The following MAGI3 variants were observed in gnomAD, a reference collection of about 807,000 sequenced individuals.
MAGI3 encodes membrane-associated guanylate kinase, WW and PDZ domain-containing protein 3.
MAGI3 carries 43 observed loss-of-function variants against 121.8 expected under a neutral mutation model. The observed-to-expected ratio is 0.35, with a 90% confidence interval of 0.28 to 0.46. The LOEUF (loss-of-function observed/expected upper bound fraction) is 0.46. MAGI3 is among the 20% of genes least tolerant of loss of function. The pLI, the probability that MAGI3 is intolerant of heterozygous loss-of-function variation, is 1.00. For missense variants in MAGI3, 1,547 were observed against 1,797.3 expected, an observed-to-expected ratio of 0.86 and a Z score of 2.52; for synonymous variants, 553 against 639.3, an observed-to-expected ratio of 0.86 and a Z score of 2.04.
intron 20 of MAGI3, chr1:113,682,621 G>A: frequency 1.0e-6 from 1 of 982,420 alleles, no homozygotes; most frequent in Non-Finnish European, 1.2e-6. Flanking sequence ...TACTAATAGA[G>A]AATTTACAGA....
chr1:113,538,392 A>C (rs961058121), intron 1 of MAGI3, among the ~76,000 whole-genome samples: 2 of 152,258 alleles, frequency 1.3e-5, no homozygotes, highest in African/African-American at 4.8e-5. Context: ...TCCTGTCAAA[A>C]GGATGAAGCA....
intron 1 of MAGI3, among the ~76,000 whole-genome samples, chr1:113,513,799 G>T (rs1488831672): frequency 6.6e-6 from 1 of 152,138 alleles, no homozygotes; most frequent in Non-Finnish European, 1.5e-5. Context: ...AAACTAAAGA[G>T]CTTCTGCACA....
chr1:113,468,636 G>A (rs140259485), intron 1 of MAGI3, among the ~76,000 whole-genome samples: 16 of 152,118 alleles, frequency 1.1e-4, no homozygotes, highest in African/African-American at 3.6e-4. Context: ...TGCCGTAAGT[G>A]TAAAACACAT....
chr1:113,559,527 A>G (rs1177351955), intron 2 of MAGI3, among the ~76,000 whole-genome samples: 1 of 152,056 alleles, frequency 6.6e-6, no homozygotes, highest in Non-Finnish European at 1.5e-5. Flanking sequence ...CCCTAAATAT[A>G]TATGCTCCCG....
chr1:113,449,906 A>T, intron 1 of MAGI3: 1 of 1,522,044 alleles, frequency 6.6e-7, no homozygotes, highest in Non-Finnish European at 9.0e-7. Context: ...AGGTGGATGC[A>T]GCAATGTGTG....
At chr1:113,668,647 A>G (rs933913193) in intron 16 of MAGI3, among the ~76,000 whole-genome samples, 7 of 145,740 alleles carry the variant, frequency 4.8e-5, no homozygotes, top group African/African-American at 1.5e-4. Flanking sequence ...CAGTGGCGCA[A>G]TCTCGGCTCA....
chr1:113,617,265 C>T (rs1165435483), intron 7 of MAGI3, among the ~76,000 whole-genome samples: 1 of 152,154 alleles, frequency 6.6e-6, no homozygotes, highest in Non-Finnish European at 1.5e-5. Context: ...AATTTTAATA[C>T]AGAAAATGTG....
At chr1:113,476,027 A>C (rs1272282254) in intron 1 of MAGI3, among the ~76,000 whole-genome samples, 1 of 152,154 alleles carries the variant, frequency 6.6e-6, no homozygotes, top group Non-Finnish European at 1.5e-5. Flanking sequence ...AGGTGTTTGT[A>C]GTATTCTCTG....
Position 113,684,208 on chromosome 1 carries a change from T to A in MAGI3, c.*194T>A, listed in dbSNP as rs1648409790. 1 of 524,960 alleles carries A rather than the reference T, an allele frequency of 1.9e-6. No individual in the cohort carries two copies. Among genetic ancestry groups the A allele is most frequent in the Admixed American group, 4.0e-5 (1 of 24,710 alleles). 32.5% of individuals were successfully genotyped at this position (524,960 alleles called of 1,614,324 possible). A position where few individuals can be genotyped will look rare whatever the true frequency, so the allele number is the denominator to read the frequency against. Reference sequence around the variant, plus strand: ...CAACTGTCCCCCTGGCCGGCTGCCCTCCCTCGCTCTCAGGAAGGAGCTGCA... The same window carrying A: ...CAACTGTCCCCCTGGCCGGCTGCCCACCCTCGCTCTCAGGAAGGAGCTGCA... On this transcript the variant is annotated 3_prime_UTR_variant, in exon 21 of 21. Transcript: ENST00000307546.
chr1:113,549,354 A>G lies in MAGI3; in HGVS notation c.317-161A>G, dbSNP rs189178851. Among the ~76,000 whole-genome samples, 377 of 152,304 alleles carry G rather than the reference A, an allele frequency of 2.5e-3. 4 individuals are homozygous for G. The highest frequency in any genetic ancestry group is 5.8e-4 in the East Asian group (3 of 5,196). Reference sequence around the variant, plus strand: ...ACATATTTTAATTATAGTACCTATAAATAATTTGGTGTTCTTTTCTTTTTA... The same window carrying G: ...ACATATTTTAATTATAGTACCTATAGATAATTTGGTGTTCTTTTCTTTTTA... On this transcript the variant is annotated intron_variant, in intron 1 of 20. Coordinates refer to ENST00000307546, the MANE Select transcript of MAGI3 (RefSeq NM_001142782.2).
intron 2 of MAGI3, among the ~76,000 whole-genome samples, chr1:113,557,662 G>T (rs1229034857): frequency 6.6e-6 from 1 of 152,158 alleles, no homozygotes; most frequent in Non-Finnish European, 1.5e-5. Flanking sequence ...GCCTTGGAGA[G>T]CCCAGACCAA....
intron 6 of MAGI3, among the ~76,000 whole-genome samples, chr1:113,596,159 A>G (rs1648998601): frequency 1.3e-5 from 2 of 152,182 alleles, no homozygotes. Context: ...GACTTATTTT[A>G]GAGCTACAGT....
intron 1 of MAGI3, among the ~76,000 whole-genome samples, chr1:113,510,081 C>A (rs1483032654): frequency 6.6e-6 from 1 of 152,140 alleles, no homozygotes; most frequent in Non-Finnish European, 1.5e-5. Context: ...AAAAATAATT[C>A]TTAAAGATTG....
chr1:113,647,918 A>T (rs1259647209), intron 12 of MAGI3, among the ~76,000 whole-genome samples: 2 of 112,702 alleles, frequency 1.8e-5, no homozygotes, highest in African/African-American at 7.8e-5. Flanking sequence ...TGAACTGATG[A>T]CTCTTTTTTT....
chr1:113,555,606 T>A (rs962760492), intron 2 of MAGI3, among the ~76,000 whole-genome samples: 3 of 152,164 alleles, frequency 2.0e-5, no homozygotes, highest in African/African-American at 7.2e-5. Context: ...GGATTTAGAC[T>A]TAAATCATAT....
chr1:113,540,692 C>T (rs1464798379), intron 1 of MAGI3, among the ~76,000 whole-genome samples: 1 of 152,180 alleles, frequency 6.6e-6, no homozygotes, highest in African/African-American at 2.4e-5. Context: ...TAGCATTTTC[C>T]TCTGGGGCAC....
intron 5 of MAGI3, among the ~76,000 whole-genome samples, chr1:113,591,790 G>A (rs981814627): frequency 6.6e-6 from 1 of 152,080 alleles, no homozygotes. Flanking sequence ...AAGGTGTAGA[G>A]TCATTAGAAG....
intron 10 of MAGI3, 51 bp downstream of exon 10, chr1:113,642,567 C>CT: frequency 6.5e-7 from 1 of 1,540,018 alleles, no homozygotes; most frequent in Middle Eastern, 1.7e-4. Flanking sequence ...GCGTTTATAT[C>CT]TACTGATTGT....
chr1:113,476,095 G>A (rs935224030), intron 1 of MAGI3, among the ~76,000 whole-genome samples: 1 of 151,696 alleles, frequency 6.6e-6, no homozygotes, highest in Non-Finnish European at 1.5e-5. Context: ...ACTTTTTATT[G>A]CATCTATTTG....
Sources: gnomAD v4.1 joint callset for allele counts (sites outside exome capture counted in the v4.1 genomes callset) on GRCh38, gnomAD v4.1.1 for gene constraint, MANE v1.5 for transcripts, NCBI Gene and HGNC (gene_info 2026-07-23, HGNC 2026-07-21) for gene names.